The following MYO18A variants were observed in gnomAD, a reference collection of about 807,000 sequenced individuals.
The protein encoded by MYO18A is unconventional myosin-XVIIIa.
In MYO18A, 78 loss-of-function variants were observed where a neutral mutation model predicts 235.8. That is an observed-to-expected ratio of 0.33 (90% CI 0.28 to 0.40). The LOEUF (loss-of-function observed/expected upper bound fraction) is 0.40, where lower values mean the gene tolerates loss of function less well. Among genes scored for constraint, MYO18A ranks in the 10% least tolerant of loss-of-function variants. MYO18A has a pLI of 1.00. For synonymous variants in MYO18A, 977 were observed against 1,077.8 expected, an observed-to-expected ratio of 0.91 and a Z score of 1.83; for missense variants, 2,215 against 2,699.3, an observed-to-expected ratio of 0.82 and a Z score of 3.98.
At position 29,098,968 on chromosome 17, in the gene MYO18A, A is replaced by C; in HGVS notation, c.3638T>G (p.Ile1213Ser). 1 of 1,612,896 alleles carries C rather than the reference A, an allele frequency of 6.2e-7. No individual in the cohort carries two copies. Among genetic ancestry groups the C allele is most frequent in the Non-Finnish European group, 8.5e-7 (1 of 1,179,692 alleles). ...TACACAGCGAATGGCCAGGTCCTGG[A>C]TCTGCAGGTGGGGTGGGGGTGGTGC... ...LARQHFKKRK[I>S]QDLAIRCVQK... is the part of the protein sequence containing the mutation. Residue 1213 changes from isoleucine to serine, a missense_variant and splice_region_variant, in exon 23 of 42, where the codon ATC (isoleucine) becomes AGC (serine). Coordinates refer to ENST00000527372, the MANE Select transcript of MYO18A (RefSeq NM_078471.4).
chr17:29,118,537 C>A lies in MYO18A; in HGVS notation c.1830-97G>T. 1 of 1,111,764 alleles carries A rather than the reference C, an allele frequency of 9.0e-7. No homozygotes were observed. The highest frequency in any genetic ancestry group is 1.3e-6 in the Non-Finnish European group (1 of 761,930). 68.9% of individuals were successfully genotyped at this position (1,111,764 alleles called of 1,614,324 possible). On this transcript the variant is annotated intron_variant, in intron 8 of 41. Coordinates refer to ENST00000527372, the MANE Select transcript of MYO18A (RefSeq NM_078471.4). The surrounding 1 kb of genome is among the most constrained non-coding windows in gnomAD (Gnocchi z 4.2). ...ACAGACAGACTCAGCTTCCAGACTCCAAGTTTTGTCTGCCCATCATCCCAT... is the reference window on the plus strand; with the variant it reads ...ACAGACAGACTCAGCTTCCAGACTCAAAGTTTTGTCTGCCCATCATCCCAT...
intron 1 of MYO18A, among the ~76,000 whole-genome samples, chr17:29,174,287 C>A (rs998227610): frequency 1.3e-5 from 2 of 152,080 alleles, no homozygotes; most frequent in Non-Finnish European, 2.9e-5. Flanking sequence ...GGGAGGACTG[C>A]TTGAGTCCAG....
intron 31 of MYO18A, 58 bp from the exon 32 acceptor site, chr17:29,093,485 G>A (rs974073597): frequency 2.3e-5 from 31 of 1,364,284 alleles, no homozygotes; most frequent in Non-Finnish European, 3.1e-5. Flanking sequence ...TGCGAAGCAG[G>A]CCCCTTCCAT....
At chr17:29,149,226 C>T (rs1036058819) in intron 2 of MYO18A, among the ~76,000 whole-genome samples, 1 of 152,244 alleles carries the variant, frequency 6.6e-6, no homozygotes, top group Non-Finnish European at 1.5e-5. Flanking sequence ...GAGCTCGGTG[C>T]CCACTTTGTT....
rs2068096632 is a variant in MYO18A, at chr17:29,158,057, G to A, written c.999+7885C>T. On this transcript the variant is annotated intron_variant, in intron 2 of 41. Coordinates refer to ENST00000527372, the MANE Select transcript of MYO18A (RefSeq NM_078471.4). The surrounding 1 kb of genome is among the most constrained non-coding windows in gnomAD (Gnocchi z 4.3). Reference sequence around the variant, plus strand: ...GATCTGCCCACCTCAGCCTCCCAAAGTGCTGGGATTATAGACGTGAGCCAC... The same window carrying A: ...GATCTGCCCACCTCAGCCTCCCAAAATGCTGGGATTATAGACGTGAGCCAC... Among the ~76,000 whole-genome samples the A allele has an allele frequency of 6.6e-6, 1 of 152,168 alleles. No homozygotes were observed. Among genetic ancestry groups the A allele is most frequent in the Non-Finnish European group, 1.5e-5 (1 of 68,038 alleles).
intron 1 of MYO18A, among the ~76,000 whole-genome samples, chr17:29,176,238 G>A (rs2068523378): frequency 6.6e-6 from 1 of 152,166 alleles, no homozygotes; most frequent in Non-Finnish European, 1.5e-5. Context: ...CAGTAAAGCT[G>A]CAAACAGGGT....
Position 29,121,752 on chromosome 17 carries a change from T to C in MYO18A, c.1195-29A>G. On this transcript the variant is annotated intron_variant, in intron 4 of 41. Coordinates refer to ENST00000527372, the MANE Select transcript of MYO18A (RefSeq NM_078471.4). The surrounding 1 kb of genome is among the most constrained non-coding windows in gnomAD (Gnocchi z 4.2). ...TGTGGGAGGACAGGCGGGTGGGTAT[T>C]AGAGCAGCAGAGCCCATCTCCGCTG... The C allele has an allele frequency of 1.3e-6, 2 of 1,582,762 alleles. No individual in the cohort carries two copies. Among genetic ancestry groups the C allele is most frequent in the Non-Finnish European group, 1.7e-6 (2 of 1,162,692 alleles).
chr17:29,177,704 G>C (rs1028581261), intron 1 of MYO18A, among the ~76,000 whole-genome samples: 2 of 152,148 alleles, frequency 1.3e-5, no homozygotes. Context: ...CAGACAGTGG[G>C]CTGGGCCCTC....
chr17:29,156,881 G>A (rs560637315), intron 2 of MYO18A, among the ~76,000 whole-genome samples: 2 of 152,210 alleles, frequency 1.3e-5, no homozygotes, highest in Non-Finnish European at 2.9e-5. Flanking sequence ...GGAACAGCAG[G>A]AGCTCAAGGG....
chr17:29,090,748 A>G, intron 35 of MYO18A, 62 bp downstream of exon 35: 3 of 1,552,338 alleles, frequency 1.9e-6, no homozygotes, highest in Non-Finnish European at 2.7e-6. Context: ...CGGGGGACCC[A>G]TGAGGAGGAC....
chr17:29,130,299 C>CAAAAAAAAAAAAAA (rs564370108), intron 2 of MYO18A, among the ~76,000 whole-genome samples: 38 of 55,912 alleles, frequency 6.8e-4, no homozygotes, highest in Non-Finnish European at 9.0e-4. Flanking sequence ...AACCCTGTCT[C>CAAAAAAAAAAAAAA]AAAAAAAAAA....
At chr17:29,108,845 G>C (rs571970808) in intron 19 of MYO18A, among the ~76,000 whole-genome samples, 1 of 152,216 alleles carries the variant, frequency 6.6e-6, no homozygotes, top group Non-Finnish European at 1.5e-5. Context: ...GTGAGGGAAG[G>C]GGGGCCTGCC....
At chr17:29,133,867 G>C (rs2067533224) in intron 2 of MYO18A, 6 of 1,289,296 alleles carry the variant, frequency 4.7e-6, no homozygotes, top group Middle Eastern at 2.1e-4. Flanking sequence ...CCCTGGGTCA[G>C]AGAAGAAATG....
chr17:29,127,244 T>C (rs1295740441), intron 2 of MYO18A, among the ~76,000 whole-genome samples: 1 of 152,228 alleles, frequency 6.6e-6, no homozygotes, highest in Non-Finnish European at 1.5e-5. Flanking sequence ...TATGCCCCTG[T>C]AGTGTGAATA....
chr17:29,162,690 A>G (rs1182484519), intron 2 of MYO18A, among the ~76,000 whole-genome samples: 1 of 152,092 alleles, frequency 6.6e-6, no homozygotes, highest in Non-Finnish European at 1.5e-5. Context: ...TCACCGCTGG[A>G]GCCCAGGACC....
Position 29,180,157 on chromosome 17 carries a change from G to A in MYO18A, c.-82+156C>T, listed in dbSNP as rs2068617063. ...ACGGCGCCGCCAGGGACGGGAGCCG[G>A]GAGTCCGGGCCGCTGCTTCCAGGGG... On this transcript the variant is annotated intron_variant, in intron 1 of 41. Transcript: ENST00000527372. This position sits in a 1 kb window ranked among gnomAD's most constrained non-coding sequence, Gnocchi z 6.1. Among the ~76,000 whole-genome samples, 1 of 151,778 alleles carries A rather than the reference G, an allele frequency of 6.6e-6. No homozygotes were observed. The highest frequency in any genetic ancestry group is 1.5e-5 in the Non-Finnish European group (1 of 67,842).
chr17:29,126,157 T>A lies in MYO18A; in HGVS notation c.1000-3904A>T, dbSNP rs1324361238. The stretch of plus-strand genomic sequence containing the variant: ...GAACAAGTGCCTGGGAGTTCTGGGG[T>A]TATTTCTTCCCACCTGCCTATCTTG... On this transcript the variant is annotated intron_variant, in intron 2 of 41. Transcript: ENST00000527372. The surrounding 1 kb of genome is among the most constrained non-coding windows in gnomAD (Gnocchi z 4.1). 6.6e-6 allele frequency among the ~76,000 whole-genome samples: 1 copy of A among 151,978 alleles called. No homozygotes were observed. Among genetic ancestry groups the A allele is most frequent in the Admixed American group, 6.6e-5 (1 of 15,256 alleles).
At position 29,121,154 on chromosome 17, in the gene MYO18A, C is replaced by G. The variant is rs2067189556; in HGVS notation, c.1429G>C (p.Val477Leu). The G allele has an allele frequency of 6.2e-7, 1 of 1,610,812 alleles. No individual in the cohort carries two copies. Among genetic ancestry groups the G allele is most frequent in the Non-Finnish European group, 8.5e-7 (1 of 1,178,642 alleles). ...ATCGCCCTGTATGCGGTCTGGGCCA[C>G]TGCATAGATGTGGGGTGCCATGTCC... The part of the protein sequence containing the change: ...REDMAPHIYA[V>L]AQTAYRAMLM... Residue 477 changes from valine to leucine, a missense_variant, in exon 6 of 42, where the codon GTG becomes CTG. By Grantham distance (32) the Val-to-Leu change is conservative. Coordinates refer to ENST00000527372, the MANE Select transcript of MYO18A (RefSeq NM_078471.4). This position sits in a 1 kb window ranked among gnomAD's most constrained non-coding sequence, Gnocchi z 4.2.
intron 19 of MYO18A, 31 bp from the exon 20 acceptor site, chr17:29,107,220 C>CA: frequency 6.2e-7 from 1 of 1,602,498 alleles, no homozygotes. Flanking sequence ...CCAGGCCTGT[C>CA]AACGCCACCT....
Sources: allele counts gnomAD v4.1 joint callset (sites outside exome capture counted in the v4.1 genomes callset), GRCh38; gene constraint gnomAD v4.1.1; non-coding constraint Gnocchi (gnomAD v3.1); transcripts MANE v1.5; gene names NCBI Gene and HGNC (gene_info 2026-07-23, HGNC 2026-07-21).